ARB2A: variants seen among roughly 807,000 people sequenced by gnomAD.
The protein encoded by ARB2A is ARB2 cotranscriptional regulator A.
the ARB2A span, chr5:94,050,892 G>A: frequency 3.6e-6 from 4 of 1,113,234 alleles, no homozygotes; most frequent in Non-Finnish European, 5.1e-6. Context: ...AATATAAACA[G>A]TACAACAAAG....
At chr5:93,704,233 T>C in the ARB2A span, among the ~76,000 whole-genome samples, 1 of 152,200 alleles carries the variant, frequency 6.6e-6, no homozygotes, top group East Asian at 1.9e-4. Flanking sequence ...AAGGCCAGTA[T>C]GCCAACAGGA....
At chr5:93,705,655 A>G in the ARB2A span, among the ~76,000 whole-genome samples, 5,390 of 121,478 alleles carry the variant, frequency 0.044, 115 homozygotes, top group Middle Eastern at 0.062. Flanking sequence ...GTGTGTGTAT[A>G]TATATATATA....
chr5:93,895,909 CAAAAT>C, the ARB2A span, among the ~76,000 whole-genome samples: 28 of 151,602 alleles, frequency 1.8e-4, 1 homozygote, highest in Admixed American at 1.6e-3. Flanking sequence ...TTAAAATTAA[CAAAAT>C]AAAATAACAA....
the ARB2A span, among the ~76,000 whole-genome samples, chr5:94,008,973 T>C: frequency 6.6e-6 from 1 of 152,152 alleles, no homozygotes; most frequent in Non-Finnish European, 1.5e-5. Context: ...TAGCAATATG[T>C]AGGTTTCTGT....
At chr5:93,811,224 A>G in the ARB2A span, among the ~76,000 whole-genome samples, 1 of 152,166 alleles carries the variant, frequency 6.6e-6, no homozygotes, top group East Asian at 1.9e-4. Context: ...GGGTTTGGCC[A>G]ACGAAACTCA....
the ARB2A span, among the ~76,000 whole-genome samples, chr5:93,771,218 T>G: frequency 6.6e-6 from 1 of 151,410 alleles, no homozygotes; most frequent in East Asian, 1.9e-4. Flanking sequence ...GATTCCCTAT[T>G]TAATAAATGG....
At chr5:93,787,819 T>G in the ARB2A span, among the ~76,000 whole-genome samples, 1 of 152,206 alleles carries the variant, frequency 6.6e-6, no homozygotes, top group Non-Finnish European at 1.5e-5. Flanking sequence ...CTAAAATTCA[T>G]GCCAAGATAG....
chr5:93,678,905 G>C, the ARB2A span, among the ~76,000 whole-genome samples: 3 of 152,158 alleles, frequency 2.0e-5, no homozygotes, highest in Non-Finnish European at 4.4e-5. Context: ...AGGATTGTGT[G>C]TTGGTTTTCA....
the ARB2A span, chr5:93,621,263 G>GCCTCAGCCGCCCGCGCCCCGCC: frequency 1.5e-6 from 1 of 679,976 alleles, no homozygotes; most frequent in East Asian, 5.4e-5. Context: ...CCTGCGCCCC[G>GCCTCAGCCGCCCGCGCCCCGCC]CCTCAGCCGC....
the ARB2A span, chr5:93,740,545 C>G: frequency 6.4e-7 from 1 of 1,557,016 alleles, no homozygotes; most frequent in Non-Finnish European, 8.7e-7. Context: ...CTCCCCTCTC[C>G]AACCGTGCCG....
the ARB2A span, among the ~76,000 whole-genome samples, chr5:93,828,187 T>A: frequency 6.6e-6 from 1 of 152,190 alleles, no homozygotes; most frequent in African/African-American, 2.4e-5. Flanking sequence ...TTGGGCAGTA[T>A]GGCCACTTTC....
chr5:93,656,135 G>A, the ARB2A span, among the ~76,000 whole-genome samples: 1 of 152,070 alleles, frequency 6.6e-6, no homozygotes, highest in African/African-American at 2.4e-5. Flanking sequence ...GATGTAGTGG[G>A]AGCTCCATAA....
chr5:94,052,067 C>T, the ARB2A span, among the ~76,000 whole-genome samples: 2 of 152,072 alleles, frequency 1.3e-5, no homozygotes, highest in African/African-American at 4.8e-5. Context: ...GTGATCCACC[C>T]GCCTCTGCCT....
the ARB2A span, among the ~76,000 whole-genome samples, chr5:93,654,394 A>C: frequency 6.6e-6 from 1 of 152,148 alleles, no homozygotes; most frequent in Non-Finnish European, 1.5e-5. Context: ...ATTTTTCTAT[A>C]ATCTTTCTTT....
chr5:93,849,971 A>G, the ARB2A span, among the ~76,000 whole-genome samples: 1 of 152,158 alleles, frequency 6.6e-6, no homozygotes, highest in Non-Finnish European at 1.5e-5. Context: ...AGTATGTTCT[A>G]ATTAATTTAA....
chr5:93,728,021 G>T, the ARB2A span, among the ~76,000 whole-genome samples: 1 of 151,894 alleles, frequency 6.6e-6, no homozygotes, highest in South Asian at 2.1e-4. Context: ...TATACATTAA[G>T]GATTTCAGTA....
the ARB2A span, among the ~76,000 whole-genome samples, chr5:93,623,512 G>A: frequency 2.8e-3 from 426 of 152,194 alleles, 20 homozygotes; most frequent in East Asian, 0.067. Flanking sequence ...TCTTCTTTAC[G>A]GGTAACAATC....
At chr5:93,711,194 T>A in the ARB2A span, among the ~76,000 whole-genome samples, 2 of 137,564 alleles carry the variant, frequency 1.5e-5, no homozygotes, top group Admixed American at 7.0e-5. Flanking sequence ...ACTGGTTCTA[T>A]TTTTTTTTTT....
chr5:94,081,759 G>A, the ARB2A span, among the ~76,000 whole-genome samples: 1 of 151,992 alleles, frequency 6.6e-6, no homozygotes, highest in Admixed American at 6.6e-5. Context: ...TGATTCCAAT[G>A]GTTCAAAGAC....
Sources: allele counts gnomAD v4.1 joint callset (sites outside exome capture counted in the v4.1 genomes callset), GRCh38; gene constraint gnomAD v4.1.1; transcripts MANE v1.5; gene names NCBI Gene and HGNC (gene_info 2026-07-23, HGNC 2026-07-21).